CFAP69: variants seen among roughly 807,000 people sequenced by gnomAD.
CFAP69 encodes cilia and flagella associated protein 69.
Under a neutral mutation model 123.0 loss-of-function variants are expected in CFAP69, and 92 were observed. The observed-to-expected ratio is 0.75, with a 90% CI of 0.63 to 0.89. CFAP69 has a LOEUF of 0.89. CFAP69 is among the 40% of genes least tolerant of loss of function. The probability of loss-of-function intolerance (pLI) is 0.00; values close to 1 mark genes in which losing one functional copy is unlikely to be tolerated. For missense variants in CFAP69, 1,067 were observed against 1,096.9 expected, an observed-to-expected ratio of 0.97 and a Z score of 0.39; for synonymous variants, 380 against 364.3, an observed-to-expected ratio of 1.04 and a Z score of -0.49.
the CFAP69 span, among the ~76,000 whole-genome samples, chr7:90,321,851 T>C: frequency 1.3e-5 from 2 of 152,202 alleles, no homozygotes; most frequent in Non-Finnish European, 2.9e-5. Flanking sequence ...ATTTCACATA[T>C]GTATGTTGTC....
chr7:90,270,606 T>G (rs1304379612), intron 6 of CFAP69, among the ~76,000 whole-genome samples: 1 of 152,112 alleles, frequency 6.6e-6, no homozygotes, highest in Non-Finnish European at 1.5e-5. Flanking sequence ...GACAGGGCCT[T>G]GTCCACAGCC....
In CFAP69 at chr7:90,271,641, G is replaced by A. The variant is rs758457021; in HGVS notation, c.648G>A (p.Trp216Ter). 1.2e-6 allele frequency: 2 copies of A among 1,613,372 alleles called. No individual in the cohort carries two copies. Among genetic ancestry groups the A allele is most frequent in the South Asian group, 1.1e-5 (1 of 91,018 alleles). The change falls in exon 7 of 23, where the codon TGG (tryptophan) becomes TGA (stop). Residue 216 changes from tryptophan to a stop codon, truncating the protein, a stop_gained. Transcript: ENST00000389297. LOFTEE classifies it high-confidence loss of function. Reference protein sequence around the residue: ...LLENQLVEKLWVLKVLQHLST... With the variant: ...LLENQLVEKL The stretch of plus-strand genomic sequence containing the variant: ...AAAATCAACTTGTTGAGAAACTTTG[G>A]GTACTTAAAGTTCTGCAGCATCTCT...
At chr7:90,261,782 C>A (rs912389863) in intron 3 of CFAP69, among the ~76,000 whole-genome samples, 165 bp from the exon 4 acceptor site, 1 of 151,988 alleles carries the variant, frequency 6.6e-6, no homozygotes, top group Non-Finnish European at 1.5e-5. Context: ...AAATATGGTT[C>A]TAAATTTCCT....
intron 3 of CFAP69, among the ~76,000 whole-genome samples, chr7:90,259,972 C>T (rs571839680): frequency 6.6e-6 from 1 of 152,292 alleles, no homozygotes; most frequent in Non-Finnish European, 1.5e-5. Flanking sequence ...TAGTATTCAT[C>T]TAAATCAAGC....
intron 1 of CFAP69, among the ~76,000 whole-genome samples, chr7:90,246,260 A>C (rs1796306139): frequency 6.6e-6 from 1 of 152,220 alleles, no homozygotes; most frequent in Non-Finnish European, 1.5e-5. Context: ...GGAGGTGTTT[A>C]GAAACCCCAA....
At position 90,268,770 on chromosome 7, in the gene CFAP69, T is replaced by A. The variant is rs571986772; in HGVS notation, c.532+386T>A. The A allele has an allele frequency of 3.3e-5, 6 of 180,634 alleles. No homozygotes were observed. The South Asian group carries it at 7.7e-4, about 23-fold the overall frequency. The allele number at this position is 180,634 out of a possible 1,614,324, so 11.2% of individuals were successfully genotyped here. A position where few individuals can be genotyped will look rare whatever the true frequency, so the allele number is the denominator to read the frequency against. On this transcript the variant is annotated intron_variant, in intron 6 of 22. Coordinates refer to ENST00000389297, the MANE Select transcript of CFAP69 (RefSeq NM_001039706.3). Reference sequence around the variant, plus strand: ...CTACCAATGCCAGGGCCATTCTCCATCCTGTTTGGGAAAATAGTTCTATGT... The same window carrying A: ...CTACCAATGCCAGGGCCATTCTCCAACCTGTTTGGGAAAATAGTTCTATGT...
intron 4 of CFAP69, among the ~76,000 whole-genome samples, chr7:90,263,857 G>A (rs535799967): frequency 1.1e-3 from 160 of 151,798 alleles, no homozygotes; most frequent in African/African-American, 3.4e-3. Flanking sequence ...TTGGGAGGCC[G>A]AGGCAGGCAG....
chr7:90,269,939 G>A (rs1799714934), intron 6 of CFAP69, among the ~76,000 whole-genome samples: 1 of 152,120 alleles, frequency 6.6e-6, no homozygotes, highest in Non-Finnish European at 1.5e-5. Context: ...GGAATTAAGA[G>A]CACAAGCTTA....
chr7:90,249,958 A>G (rs879768837), intron 1 of CFAP69, among the ~76,000 whole-genome samples: 4 of 152,146 alleles, frequency 2.6e-5, no homozygotes, highest in Non-Finnish European at 5.9e-5. Context: ...AACTTCCACA[A>G]TCTTTTAGTT....
chr7:90,295,116 T>C (rs1474068775), intron 15 of CFAP69, among the ~76,000 whole-genome samples: 1 of 152,202 alleles, frequency 6.6e-6, no homozygotes, highest in East Asian at 1.9e-4. Flanking sequence ...TACATGCGCC[T>C]AATCCTCTCA....
chr7:90,319,100 C>A, the CFAP69 span: 1 of 313,410 alleles, frequency 3.2e-6, no homozygotes, highest in East Asian at 5.1e-5. Flanking sequence ...TATTCATGGG[C>A]AAACAAGGAT....
intron 2 of CFAP69, 106 bp downstream of exon 2, chr7:90,255,588 G>T (rs569820710): frequency 1.2e-6 from 1 of 860,782 alleles, no homozygotes; most frequent in African/African-American, 1.7e-5. Context: ...ATCTCGTTTT[G>T]TTGAAAACAT....
intron 6 of CFAP69, among the ~76,000 whole-genome samples, chr7:90,271,238 G>C (rs977010144): frequency 1.4e-4 from 22 of 152,164 alleles, no homozygotes; most frequent in African/African-American, 4.1e-4. Flanking sequence ...AATTGTGTTA[G>C]AACACAGCCA....
rs759923194 is a variant in CFAP69, at chr7:90,277,108, CA to C, written c.1021del (p.Thr341ProfsTer12). On this transcript the variant is annotated frameshift_variant, in exon 10 of 23. Transcript: ENST00000389297. LOFTEE classifies it high-confidence loss of function. ...GFTKDLILFA[T>X]FNEVKSQNLL... is the part of the protein sequence containing the mutation. Reference sequence around the variant, plus strand: ...TTACCAAGGATTTGATACTGTTTGCCACCTTTAATGAAGGTAAAAAGAATAA... The same window carrying C: ...TTACCAAGGATTTGATACTGTTTGCCCCTTTAATGAAGGTAAAAAGAATAA... 6.3e-7 allele frequency: 1 copy of C among 1,577,668 alleles called. No individual in the cohort carries two copies. The highest frequency in any genetic ancestry group is 8.6e-7 in the Non-Finnish European group (1 of 1,160,890).
At chr7:90,309,809 C>T (rs1042462456) in intron 22 of CFAP69, among the ~76,000 whole-genome samples, 1 of 152,118 alleles carries the variant, frequency 6.6e-6, no homozygotes, top group African/African-American at 2.4e-5. Flanking sequence ...CTTTTCCTGG[C>T]GAGTAGATCC....
chr7:90,265,482 A>G (rs914497387), intron 5 of CFAP69, 105 bp downstream of exon 5: 3 of 686,048 alleles, frequency 4.4e-6, no homozygotes, highest in South Asian at 1.9e-5. Flanking sequence ...CTCCTTCTCC[A>G]TGTCTAGGAT....
chr7:90,276,159 T>C (rs1212604220), intron 9 of CFAP69: 1 of 152,222 alleles, frequency 6.6e-6, no homozygotes, highest in African/African-American at 2.4e-5. Context: ...TCACGTAAGT[T>C]CTAGTTGTGC....
chr7:90,245,305 A>G lies in CFAP69; in HGVS notation c.-120A>G. The stretch of plus-strand genomic sequence containing the variant: ...TGGCGGAATTTTGGGACCTTTCGCG[A>G]CTCTAGCGACTCTCAGGCTGCCTTC... On this transcript the variant is annotated 5_prime_UTR_variant, in exon 1 of 23. Transcript: ENST00000389297. 1 of 1,345,368 alleles carries G rather than the reference A, an allele frequency of 7.4e-7. No individual in the cohort carries two copies. Among genetic ancestry groups the G allele is most frequent in the South Asian group, 1.7e-5 (1 of 57,348 alleles). The allele number at this position is 1,345,368 out of a possible 1,614,324, so 83.3% of individuals were successfully genotyped here.
chr7:90,321,845 C>G, the CFAP69 span, among the ~76,000 whole-genome samples: 12 of 152,322 alleles, frequency 7.9e-5, no homozygotes, highest in Admixed American at 2.6e-4. Context: ...CCTTGAATTT[C>G]ACATATGTAT....
Sources: allele counts gnomAD v4.1 joint callset (sites outside exome capture counted in the v4.1 genomes callset), GRCh38; gene constraint gnomAD v4.1.1; transcripts MANE v1.5; gene names NCBI Gene and HGNC (gene_info 2026-07-23, HGNC 2026-07-21).